CCDC102B: variants seen among roughly 807,000 people sequenced by gnomAD.
The protein encoded by CCDC102B is coiled-coil domain containing 102B.
A neutral mutation model predicts 57.4 loss-of-function variants in CCDC102B; 75 were observed. That is an observed-to-expected ratio of 1.31 (90% CI 1.08 to 1.58). The LOEUF (loss-of-function observed/expected upper bound fraction) is 1.58. Ranked by LOEUF, CCDC102B falls within the 40% of genes most tolerant of loss-of-function variation. The pLI, the probability that CCDC102B is intolerant of heterozygous loss-of-function variation, is 0.00. For synonymous variants in CCDC102B, 206 were observed against 201.9 expected (o/e 1.02, Z -0.17); for missense variants, 636 against 582.6 (o/e 1.09, Z -0.94).
At chr18:68,914,800 T>C (rs919267011) in intron 6 of CCDC102B, among the ~76,000 whole-genome samples, 2 of 148,184 alleles carry the variant, frequency 1.3e-5, no homozygotes, top group African/African-American at 4.9e-5. Context: ...TTAAATTTCA[T>C]GATGTTTTTG....
chr18:68,902,819 A>T (rs1599661825), intron 6 of CCDC102B, among the ~76,000 whole-genome samples: 1 of 152,310 alleles, frequency 6.6e-6, no homozygotes, highest in Admixed American at 6.5e-5. Context: ...TAGCTGTTGC[A>T]GTTTTTGCAA....
intron 1 of CCDC102B, among the ~76,000 whole-genome samples, chr18:68,822,983 C>T (rs187700924): frequency 2.4e-4 from 37 of 152,234 alleles, no homozygotes; most frequent in Admixed American, 2.0e-3. Context: ...AAACCCCTCC[C>T]GCCCCCACAC....
chr18:68,970,875 T>A (rs1433835442), intron 6 of CCDC102B, among the ~76,000 whole-genome samples: 1 of 152,012 alleles, frequency 6.6e-6, no homozygotes, highest in Non-Finnish European at 1.5e-5. Flanking sequence ...TATTGAAAAC[T>A]GTTTTACTGT....
At chr18:68,874,535 C>T in intron 4 of CCDC102B, 134 bp from the exon 5 acceptor site, 1 of 562,472 alleles carries the variant, frequency 1.8e-6, no homozygotes, top group Admixed American at 2.7e-5. Context: ...ATTACATCAT[C>T]AGCAACAAGC....
chr18:68,910,923 G>GAAAA (rs34251212), intron 6 of CCDC102B, among the ~76,000 whole-genome samples: 1 of 147,338 alleles, frequency 6.8e-6, no homozygotes. Flanking sequence ...TAAAAAGGGG[G>GAAAA]AAAAAAAAAA....
chr18:68,882,660 A>G (rs2039735011), intron 5 of CCDC102B, among the ~76,000 whole-genome samples: 1 of 152,250 alleles, frequency 6.6e-6, no homozygotes, highest in Non-Finnish European at 1.5e-5. Flanking sequence ...AGTATATAGA[A>G]TTACTTATCT....
rs1449013924 is a variant in CCDC102B, at chr18:68,837,232, G to T, written c.469G>T (p.Asp157Tyr). The T allele has an allele frequency of 1.9e-6, 3 of 1,613,998 alleles. No individual in the cohort carries two copies. Among genetic ancestry groups the T allele is most frequent in the Non-Finnish European group, 1.7e-6 (2 of 1,180,026 alleles). The change falls in exon 2 of 8, where the codon GAT (aspartate) becomes TAT (tyrosine). Residue 157 changes from aspartate (D) to tyrosine (Y), a missense_variant. By Grantham distance (160) the Asp-to-Tyr change is radical. Transcript: ENST00000360242. ...GGCATTAGAAGCTAAAGTTACCCAG[G>T]ATCTGAAGCTTCCTGGCTTCGTAGA... ...KEALEAKVTQ[D>Y]LKLPGFVEES... is the part of the protein sequence containing the mutation.
intron 6 of CCDC102B, among the ~76,000 whole-genome samples, chr18:69,002,406 C>G (rs927784390): frequency 6.6e-6 from 1 of 152,096 alleles, no homozygotes; most frequent in Non-Finnish European, 1.5e-5. Flanking sequence ...TGGCCATGCC[C>G]GATTTCAACA....
intron 2 of CCDC102B, among the ~76,000 whole-genome samples, chr18:68,720,072 T>G (rs991696083): frequency 6.6e-6 from 1 of 152,190 alleles, no homozygotes; most frequent in Non-Finnish European, 1.5e-5. Flanking sequence ...ACATAAGAGA[T>G]AAAGAGCATA....
chr18:69,044,336 G>T (rs10503142), intron 7 of CCDC102B, among the ~76,000 whole-genome samples: 1 of 152,138 alleles, frequency 6.6e-6, no homozygotes, highest in South Asian at 2.1e-4. Context: ...GTTCTTAACC[G>T]CAGGACCATT....
intron 3 of CCDC102B, among the ~76,000 whole-genome samples, chr18:68,841,580 AG>A (rs1275391803): frequency 4.6e-5 from 7 of 152,212 alleles, no homozygotes; most frequent in Non-Finnish European, 1.0e-4. Context: ...CAAGTAACAG[AG>A]ACTGAGATAA....
intron 5 of CCDC102B, among the ~76,000 whole-genome samples, chr18:68,887,356 A>G (rs530425203): frequency 6.6e-6 from 1 of 152,246 alleles, no homozygotes; most frequent in African/African-American, 2.4e-5. Flanking sequence ...ATGATTTTGA[A>G]CTCTGGTCAT....
At chr18:69,035,388 A>G (rs1404481219) in intron 7 of CCDC102B, among the ~76,000 whole-genome samples, 1 of 152,118 alleles carries the variant, frequency 6.6e-6, no homozygotes, top group Non-Finnish European at 1.5e-5. Flanking sequence ...GAAGGTTACT[A>G]GGTACACTAC....
intron 2 of CCDC102B, among the ~76,000 whole-genome samples, chr18:68,788,519 T>C (rs2035300097): frequency 6.6e-6 from 1 of 151,390 alleles, no homozygotes; most frequent in Non-Finnish European, 1.5e-5. Context: ...GCTCCTGTAT[T>C]GGGTGCATAT....
chr18:68,752,790 AC>A (rs1260375971), intron 2 of CCDC102B, among the ~76,000 whole-genome samples: 16 of 152,246 alleles, frequency 1.1e-4, no homozygotes, highest in Admixed American at 9.8e-4. Context: ...ACTGCTGTAA[AC>A]AATCTTATCT....
At chr18:68,772,841 T>A (rs982379016) in intron 2 of CCDC102B, among the ~76,000 whole-genome samples, 1 of 151,964 alleles carries the variant, frequency 6.6e-6, no homozygotes, top group Non-Finnish European at 1.5e-5. Flanking sequence ...GAAACCCTTT[T>A]CCAGAGTTCT....
intron 5 of CCDC102B, among the ~76,000 whole-genome samples, chr18:68,896,599 A>T (rs974553607): frequency 6.6e-6 from 1 of 152,038 alleles, no homozygotes; most frequent in Non-Finnish European, 1.5e-5. Context: ...CCATGTCCCA[A>T]TACGATTTTA....
intron 5 of CCDC102B, among the ~76,000 whole-genome samples, chr18:68,886,503 T>C (rs1404156202): frequency 2.0e-5 from 3 of 152,150 alleles, no homozygotes; most frequent in Admixed American, 6.6e-5. Flanking sequence ...AAATCTTCAA[T>C]TGAACTTCCT....
intron 4 of CCDC102B, among the ~76,000 whole-genome samples, chr18:68,857,381 A>G (rs1175900781): frequency 7.4e-5 from 9 of 120,920 alleles, no homozygotes; most frequent in Non-Finnish European, 4.9e-5. Flanking sequence ...ATATATAAAT[A>G]TATATTTATT....
Sources: allele counts gnomAD v4.1 joint callset (sites outside exome capture counted in the v4.1 genomes callset), GRCh38; gene constraint gnomAD v4.1.1; transcripts MANE v1.5; gene names NCBI Gene and HGNC (gene_info 2026-07-23, HGNC 2026-07-21).